The following ABL2 variants were observed in gnomAD, a reference collection of about 807,000 sequenced individuals.
ABL2 encodes the protein tyrosine-protein kinase ABL2.
In ABL2, 49 loss-of-function variants were observed where a neutral mutation model predicts 107.7. The observed-to-expected ratio is 0.45, with a 90% confidence interval of 0.36 to 0.58. The LOEUF is 0.58. Among genes scored for constraint, ABL2 ranks in the 20% least tolerant of loss-of-function variants. The pLI is 0.00. For missense variants in ABL2, 1,245 were observed against 1,457.0 expected (o/e 0.85, Z 2.37); for synonymous variants, 549 against 548.6 (o/e 1.00, Z -0.01).
chr1:179,217,231 T>C (rs1489666686), intron 1 of ABL2, among the ~76,000 whole-genome samples: 2 of 151,572 alleles, frequency 1.3e-5, no homozygotes, highest in Non-Finnish European at 1.5e-5. Context: ...AAGGCCGAGG[T>C]TGAACCCAAG....
intron 1 of ABL2, among the ~76,000 whole-genome samples, chr1:179,207,577 A>T (rs1662047816): frequency 6.6e-6 from 1 of 152,234 alleles, no homozygotes; most frequent in African/African-American, 2.4e-5. Flanking sequence ...ACCATTAATC[A>T]TGCACTAGCT....
chr1:179,142,914 T>C, intron 1 of ABL2: 1 of 1,610,858 alleles, frequency 6.2e-7, no homozygotes, highest in South Asian at 1.1e-5. Flanking sequence ...TCCCTGAAAC[T>C]ATCAACTCTG....
At chr1:179,130,723 A>ATTTTTT (rs1006826497) in intron 3 of ABL2, among the ~76,000 whole-genome samples, 22 of 114,612 alleles carry the variant, frequency 1.9e-4, no homozygotes, top group African/African-American at 9.0e-4. Context: ...ATCATTATTG[A>ATTTTTT]TTTTGTGTGT....
chr1:179,198,693 CAAAAAAAAAAA>C lies in ABL2; in HGVS notation c.157+30537_157+30547del, dbSNP rs534990752. 2.9e-4 allele frequency among the ~76,000 whole-genome samples: 10 copies of C among 34,944 alleles called. No individual in the cohort carries two copies. In the South Asian group the frequency reaches 0.01, roughly 36 times the overall value. 22.9% of individuals were successfully genotyped at this position (34,944 alleles called of 152,430 possible). A position where few individuals can be genotyped will look rare whatever the true frequency, so the allele number is the denominator to read the frequency against. ...GGGCAACAGAGCAAGACTCCATCTCCAAAAAAAAAAAAAAAAAAAAAAACAAAGCCACATAT... is the reference window on the plus strand; with the variant it reads ...GGGCAACAGAGCAAGACTCCATCTCCAAAAAAAAAAAACAAAGCCACATAT... On this transcript the variant is annotated intron_variant, in intron 1 of 11. Coordinates refer to ENST00000502732, the MANE Select transcript of ABL2 (RefSeq NM_007314.4).
At chr1:179,228,614 G>A (rs1334790692) in intron 1 of ABL2, among the ~76,000 whole-genome samples, 1 of 152,152 alleles carries the variant, frequency 6.6e-6, no homozygotes, top group Admixed American at 6.5e-5. Flanking sequence ...GCATAGTACA[G>A]AGGCTTTGGC....
At chr1:179,141,508 T>G (rs1200836768) in intron 1 of ABL2, among the ~76,000 whole-genome samples, 3 of 152,206 alleles carry the variant, frequency 2.0e-5, no homozygotes, top group Non-Finnish European at 4.4e-5. Context: ...AGAAGATATA[T>G]GCAGGCCAAA....
At chr1:179,172,749 C>T (rs958712621) in intron 1 of ABL2, among the ~76,000 whole-genome samples, 2 of 152,180 alleles carry the variant, frequency 1.3e-5, no homozygotes, top group Admixed American at 1.3e-4. Flanking sequence ...TTCTATCCCT[C>T]TTATAAATAC....
chr1:179,132,728 G>C (rs1186495149), intron 2 of ABL2, among the ~76,000 whole-genome samples: 1 of 151,902 alleles, frequency 6.6e-6, no homozygotes, highest in Non-Finnish European at 1.5e-5. Flanking sequence ...TTTTAGTAGA[G>C]ACAGGATTTT....
intron 1 of ABL2, among the ~76,000 whole-genome samples, chr1:179,162,572 G>A (rs912559818): frequency 9.9e-5 from 15 of 151,682 alleles, no homozygotes; most frequent in African/African-American, 2.9e-4. Flanking sequence ...GCAACAGAGC[G>A]AGACTCTGTT....
At chr1:179,132,028 A>G (rs28914516) in intron 2 of ABL2, among the ~76,000 whole-genome samples, 1 of 152,354 alleles carries the variant, frequency 6.6e-6, no homozygotes, top group East Asian at 1.9e-4. Context: ...TATAGAAAAA[A>G]TTATTTAAAA....
At chr1:179,150,792 T>C (rs547286335) in intron 1 of ABL2, among the ~76,000 whole-genome samples, 2 of 152,314 alleles carry the variant, frequency 1.3e-5, no homozygotes, top group Admixed American at 6.5e-5. Context: ...AAATCTTTCA[T>C]GAAAGAAAGT....
At chr1:179,222,833 G>A (rs1006331027) in intron 1 of ABL2, among the ~76,000 whole-genome samples, 5 of 151,778 alleles carry the variant, frequency 3.3e-5, no homozygotes, top group African/African-American at 4.8e-5. Flanking sequence ...AAAACAGGCC[G>A]GGCACAGTGG....
chr1:179,212,078 G>T (rs1662306603), intron 1 of ABL2, among the ~76,000 whole-genome samples: 1 of 152,138 alleles, frequency 6.6e-6, no homozygotes. Flanking sequence ...ATGGTGGAAG[G>T]CACCTCTTCA....
At chr1:179,179,405 T>C (rs1396554234) in intron 1 of ABL2, among the ~76,000 whole-genome samples, 1 of 151,928 alleles carries the variant, frequency 6.6e-6, no homozygotes, top group Non-Finnish European at 1.5e-5. Flanking sequence ...ATATTCAATA[T>C]ATAATGTTAT....
At chr1:179,124,171 G>A (rs1404110799) in intron 4 of ABL2, among the ~76,000 whole-genome samples, 1 of 151,684 alleles carries the variant, frequency 6.6e-6, no homozygotes, top group Non-Finnish European at 1.5e-5. Context: ...AACCTGGGAG[G>A]CGGAACTTGC....
chr1:179,118,724 T>C lies in ABL2; in HGVS notation c.1086A>G (p.Glu362=), dbSNP rs139334603. 4.9e-5 allele frequency: 79 copies of C among 1,614,054 alleles called. No individual in the cohort carries two copies. Among genetic ancestry groups the C allele is most frequent in the Non-Finnish European group, 5.7e-5 (67 of 1,180,036 alleles). The change falls in exon 7 of 12, where the codon GAA becomes GAG. Residue 362 remains glutamate, a synonymous_variant. Transcript: ENST00000502732. ...TLEPPFYIVT[E]YMPYGNLLDY... is the part of the protein sequence containing the mutation. ...CCAGCAAATTCCCGTATGGCATGTATTCAGTCACAATGTAAAATGGTGGCT... is the reference window on the plus strand; with the variant it reads ...CCAGCAAATTCCCGTATGGCATGTACTCAGTCACAATGTAAAATGGTGGCT...
At chr1:179,198,911 G>A (rs1277837681) in intron 1 of ABL2, among the ~76,000 whole-genome samples, 8 of 148,344 alleles carry the variant, frequency 5.4e-5, no homozygotes, top group South Asian at 2.2e-4. Context: ...GCACGATCTC[G>A]GCTCACTGCA....
intron 1 of ABL2, among the ~76,000 whole-genome samples, chr1:179,189,403 G>A (rs1226585910): frequency 6.6e-6 from 1 of 152,030 alleles, no homozygotes; most frequent in Non-Finnish European, 1.5e-5. Flanking sequence ...CAAAGTGCTG[G>A]GATTACAGGC....
rs1252798436 is a variant in ABL2 at position 179,120,286 on chromosome 1, G to A, written c.961-12C>T. The A allele has an allele frequency of 1.0e-5, 16 of 1,566,136 alleles. No individual in the cohort carries two copies. Among genetic ancestry groups the A allele is most frequent in the East Asian group, 4.5e-5 (2 of 43,994 alleles). Reference sequence around the variant, plus strand: ...TCCATGGTATCTTCCTAGAAAAAGGGAAAGGTAAGAAAGAAGAAAACGAGA... The same window carrying A: ...TCCATGGTATCTTCCTAGAAAAAGGAAAAGGTAAGAAAGAAGAAAACGAGA... On this transcript the variant is annotated splice_polypyrimidine_tract_variant and intron_variant, in intron 5 of 11. Transcript: ENST00000502732.
Sources: gnomAD v4.1 joint callset for allele counts (sites outside exome capture counted in the v4.1 genomes callset) on GRCh38, gnomAD v4.1.1 for gene constraint, MANE v1.5 for transcripts, NCBI Gene and HGNC (gene_info 2026-07-23, HGNC 2026-07-21) for gene names.